Variants in ST7L observed in about 807,000 individuals in gnomAD.
ST7L encodes suppressor of tumorigenicity 7 protein-like.
ST7L carries 57 observed loss-of-function variants against 72.5 expected under a neutral mutation model. The ratio of observed to expected loss-of-function variants is 0.79; its 90% CI spans 0.64 to 0.98. ST7L has a LOEUF of 0.98. ST7L is among the 50% of genes least tolerant of loss of function. The pLI is 0.00. For missense variants in ST7L, 576 were observed against 672.2 expected (o/e 0.86, Z 1.58); for synonymous variants, 221 against 240.9 (o/e 0.92, Z 0.77).
chr1:112,577,872 T>C (rs1035784553), intron 10 of ST7L, among the ~76,000 whole-genome samples: 9 of 152,118 alleles, frequency 5.9e-5, no homozygotes, highest in Non-Finnish European at 1.3e-4. Context: ...TAAAGAGAAT[T>C]CACTAAGAGT....
At chr1:112,539,851 G>A in intron 14 of ST7L, 1 of 985,184 alleles carries the variant, frequency 1.0e-6, no homozygotes, top group Non-Finnish European at 1.2e-6. Flanking sequence ...GGATAAAAAT[G>A]TGGCTGTAAA....
chr1:112,540,967 G>T, intron 14 of ST7L: 1 of 743,702 alleles, frequency 1.3e-6, no homozygotes, highest in South Asian at 1.5e-5. Flanking sequence ...CTTTGAGCCA[G>T]TGACATTAAT....
At chr1:112,555,784 C>T in intron 12 of ST7L, 84 bp downstream of exon 12, 1 of 1,276,362 alleles carries the variant, frequency 7.8e-7, no homozygotes, top group Non-Finnish European at 1.0e-6. Flanking sequence ...TATGGAAACC[C>T]AGACAATCTC....
intron 2 of ST7L, among the ~76,000 whole-genome samples, chr1:112,615,667 G>A (rs9429694): frequency 0.22 from 32,739 of 152,002 alleles, 3,735 homozygotes; most frequent in Middle Eastern, 0.26. Context: ...CCTGGGCAAC[G>A]TAGTGAGACT....
downstream of ST7L, chr1:112,521,970 T>G (rs1652904617): frequency 6.6e-6 from 1 of 152,202 alleles, no homozygotes; most frequent in Non-Finnish European, 1.5e-5. Context: ...GGTAGCTAAA[T>G]TTTCTGAGCT....
upstream of ST7L, chr1:112,619,146 G>A (rs142447364): frequency 2.3e-5 from 37 of 1,604,972 alleles, no homozygotes; most frequent in South Asian, 3.4e-4. Context: ...GGAGCTGGGA[G>A]GGGAGAAGGA....
intron 9 of ST7L, 68 bp downstream of exon 9, chr1:112,581,924 T>G: frequency 9.1e-7 from 1 of 1,100,250 alleles, no homozygotes; most frequent in Non-Finnish European, 1.4e-6. Flanking sequence ...TACTAGAATA[T>G]AACCACATTT....
chr1:112,576,263 T>G (rs894831619), intron 11 of ST7L, among the ~76,000 whole-genome samples: 1 of 152,112 alleles, frequency 6.6e-6, no homozygotes, highest in East Asian at 1.9e-4. Flanking sequence ...ATAATTTTTA[T>G]ATTTTTTGCA....
At chr1:112,517,983 T>A in the ST7L span, 1 of 152,622 alleles carries the variant, frequency 6.6e-6, no homozygotes, top group African/African-American at 2.4e-5. Context: ...CAGACCAATC[T>A]GCTGGGTAAA....
Position 112,599,073 on chromosome 1 carries a change from A to AAAAAAAAAAATAT in ST7L, c.507-988_507-987insATATTTTTTTTTT, listed in dbSNP as rs1190968815. ...AGACTCAGCCTCAAAAAAAAAAAAA[A>AAAAAAAAAAATAT]ATATATATATATATATATATATATA... On this transcript the variant is annotated intron_variant, in intron 4 of 14. Transcript: ENST00000358039. Among the ~76,000 whole-genome samples the AAAAAAAAAAATAT allele has an allele frequency of 8.4e-4, 48 of 56,990 alleles. 2 individuals are homozygous for AAAAAAAAAAATAT. The highest frequency in any genetic ancestry group is 1.9e-3 in the East Asian group (2 of 1,072). The allele number at this position is 56,990 out of a possible 152,430, so 37.4% of individuals were successfully genotyped here.
chr1:112,609,146 C>T (rs914199654), intron 3 of ST7L, among the ~76,000 whole-genome samples: 3 of 151,812 alleles, frequency 2.0e-5, no homozygotes, highest in Non-Finnish European at 4.4e-5. Flanking sequence ...GGGCAACATA[C>T]TGAGACCTCA....
At chr1:112,618,863 T>A (rs1289622312) in intron 1 of ST7L, 46 bp downstream of exon 1, 7 of 1,538,434 alleles carry the variant, frequency 4.6e-6, no homozygotes, top group Non-Finnish European at 5.3e-6. Flanking sequence ...GCCCCCGACA[T>A]CTCTCCTGGC....
intron 1 of ST7L, chr1:112,618,144 T>TA: frequency 2.3e-6 from 3 of 1,276,880 alleles, no homozygotes; most frequent in Non-Finnish European, 2.1e-6. Context: ...TTGAGTGAAA[T>TA]ATAATCACAT....
At chr1:112,581,398 C>CT (rs5777129) in intron 9 of ST7L, among the ~76,000 whole-genome samples, 214 of 135,224 alleles carry the variant, frequency 1.6e-3, no homozygotes, top group Middle Eastern at 7.7e-3. Context: ...GGCTCCCCGT[C>CT]TTTTTTTTTT....
chr1:112,559,706 C>T (rs1043833488), intron 11 of ST7L, among the ~76,000 whole-genome samples: 6 of 151,944 alleles, frequency 3.9e-5, no homozygotes, highest in South Asian at 2.1e-4. Flanking sequence ...CTTGGCTGGG[C>T]GCAGTGGCTT....
Position 112,525,639 on chromosome 1 carries a change from T to A in ST7L, c.*374A>T, listed in dbSNP as rs1218188815. On this transcript the variant is annotated 3_prime_UTR_variant, in exon 15 of 15. Transcript: ENST00000358039. ...ATCCTGGCTTAAAATTTTCCTTTGC[T>A]CACTTCCATTCTATGAGTATATCGA... 6.2e-6 allele frequency: 1 copy of A among 160,578 alleles called. No homozygotes were observed. The highest frequency in any genetic ancestry group is 1.4e-5 in the Non-Finnish European group (1 of 73,524). 9.9% of individuals were successfully genotyped at this position (160,578 alleles called of 1,614,324 possible). A position where few individuals can be genotyped will look rare whatever the true frequency, so the allele number is the denominator to read the frequency against.
intron 11 of ST7L, among the ~76,000 whole-genome samples, chr1:112,575,171 G>A (rs1485257094): frequency 1.3e-5 from 2 of 152,076 alleles, no homozygotes; most frequent in South Asian, 2.1e-4. Flanking sequence ...CTCTGGAGGC[G>A]GAGGTTGCAG....
intron 3 of ST7L, among the ~76,000 whole-genome samples, chr1:112,603,482 A>G (rs1667745841): frequency 6.6e-6 from 1 of 152,242 alleles, no homozygotes; most frequent in African/African-American, 2.4e-5. Flanking sequence ...TGAGAAGATT[A>G]TTAAAATACT....
rs757684932 is a variant in ST7L at position 112,582,486 on chromosome 1, C to CA, written c.857-15dup. On this transcript the variant is annotated splice_polypyrimidine_tract_variant and intron_variant, in intron 7 of 14. Transcript: ENST00000358039. ...TGGTATCTCTCCCTATTTAGAAAAA[C>CA]AAAAAAATGATACAACTATCACTTT... 4 of 1,480,202 alleles carry CA rather than the reference C, an allele frequency of 2.7e-6. No homozygotes were observed. The highest frequency in any genetic ancestry group is 2.4e-5 in the South Asian group (2 of 83,114). 91.7% of individuals were successfully genotyped at this position (1,480,202 alleles called of 1,614,324 possible). A position where few individuals can be genotyped will look rare whatever the true frequency, so the allele number is the denominator to read the frequency against.
Sources: allele counts gnomAD v4.1 joint callset (sites outside exome capture counted in the v4.1 genomes callset), GRCh38; gene constraint gnomAD v4.1.1; transcripts MANE v1.5; gene names NCBI Gene and HGNC (gene_info 2026-07-23, HGNC 2026-07-21).